The following NNT variants were observed in gnomAD, a reference collection of about 807,000 sequenced individuals.
The protein encoded by NNT is NAD(P) transhydrogenase, mitochondrial.
In NNT, 50 loss-of-function variants were observed where a neutral mutation model predicts 104.8. The ratio of observed to expected loss-of-function variants is 0.48; its 90% CI spans 0.38 to 0.60. The LOEUF (loss-of-function observed/expected upper bound fraction) is 0.60. NNT is among the 20% of genes least tolerant of loss of function. The pLI is 0.00. For missense variants in NNT, 1,131 were observed against 1,330.7 expected, an observed-to-expected ratio of 0.85 and a Z score of 2.33; for synonymous variants, 461 against 490.4, an observed-to-expected ratio of 0.94 and a Z score of 0.79.
At chr5:43,682,208 CTT>C (rs71610326) in intron 19 of NNT, among the ~76,000 whole-genome samples, 3,305 of 100,188 alleles carry the variant, frequency 0.033, 53 homozygotes, top group African/African-American at 0.12. Flanking sequence ...TAACTGGATT[CTT>C]TTTTTTTTTT....
chr5:43,660,068 T>C (rs1349610828), intron 17 of NNT, among the ~76,000 whole-genome samples: 1 of 152,218 alleles, frequency 6.6e-6, no homozygotes, highest in Non-Finnish European at 1.5e-5. Flanking sequence ...TCGTGATCCA[T>C]CATATGGATA....
At chr5:43,605,522 CAAAAAAAAAAAA>C (rs70997416) in intron 1 of NNT, among the ~76,000 whole-genome samples, 2 of 37,762 alleles carry the variant, frequency 5.3e-5, no homozygotes, top group East Asian at 2.6e-3. Context: ...GACTCCGTCT[CAAAAAAAAAAAA>C]AAAAAAAAAA....
At chr5:43,646,640 AAATAT>A (rs1249961730) in intron 10 of NNT, among the ~76,000 whole-genome samples, 4 of 152,128 alleles carry the variant, frequency 2.6e-5, no homozygotes, top group African/African-American at 9.7e-5. Flanking sequence ...AAATGCGTAT[AAATAT>A]AATTACGTTT....
chr5:43,675,251 G>C (rs183969170), intron 17 of NNT, among the ~76,000 whole-genome samples: 1 of 151,876 alleles, frequency 6.6e-6, no homozygotes, highest in Non-Finnish European at 1.5e-5. Flanking sequence ...TTTTTTCTTG[G>C]TTTCTATTTT....
At chr5:43,641,129 A>G (rs1751208605) in intron 7 of NNT, among the ~76,000 whole-genome samples, 1 of 152,078 alleles carries the variant, frequency 6.6e-6, no homozygotes, top group Admixed American at 6.6e-5. Context: ...TCATTGTGTA[A>G]TGCTGCATTT....
chr5:43,615,827 G>C, intron 3 of NNT, 21 bp from the exon 4 acceptor site: 1 of 1,556,456 alleles, frequency 6.4e-7, no homozygotes, highest in Non-Finnish European at 8.7e-7. Context: ...TTTATAATCT[G>C]TGACTTGATT....
intron 1 of NNT, among the ~76,000 whole-genome samples, chr5:43,606,924 G>T (rs1260565332): frequency 3.3e-5 from 5 of 152,092 alleles, no homozygotes; most frequent in African/African-American, 1.2e-4. Context: ...TACCAATGCT[G>T]CTTTCTGGTA....
intron 19 of NNT, among the ~76,000 whole-genome samples, chr5:43,691,070 A>AGTGTGTGTGTGTGT (rs56075202): frequency 3.6e-5 from 5 of 137,502 alleles, no homozygotes; most frequent in African/African-American, 1.1e-4. Flanking sequence ...TTTTTGAGAG[A>AGTGTGTGTGTGTGT]GTGTGTGTGT....
chr5:43,675,566 C>G lies in NNT; in HGVS notation c.2690C>G (p.Thr897Arg). 6.2e-7 allele frequency: 1 copy of G among 1,613,602 alleles called. No homozygotes were observed. The highest frequency in any genetic ancestry group is 1.1e-5 in the South Asian group (1 of 90,994). ...CTTGGAGGCTATGGCACCACTTCAA[C>G]AGCTGGTGGAAAACCCATGGAAATT... ...VILGGYGTTS[T>R]AGGKPMEISG... Residue 897 changes from threonine to arginine, a missense_variant, in exon 18 of 22, where the codon ACA (threonine) becomes AGA (arginine). Coordinates refer to ENST00000344920, the MANE Select transcript of NNT (RefSeq NM_182977.3).
chr5:43,647,697 T>C (rs1404577251), intron 10 of NNT, among the ~76,000 whole-genome samples: 1 of 152,204 alleles, frequency 6.6e-6, no homozygotes, highest in Non-Finnish European at 1.5e-5. Flanking sequence ...ATTAGTTTAT[T>C]GAATAGTTGA....
At position 43,705,790 on chromosome 5, in the gene NNT, T is replaced by TGC. The variant is rs1554057010; in HGVS notation, c.*1388_*1389dup. On this transcript the variant is annotated 3_prime_UTR_variant, in exon 22 of 22. Transcript: ENST00000344920. ...CTGTGTATGTGTGTGTGTGTGTGTG[T>TGC]GCGTTTGTGTGTTAAAGCAGAAAAG... The TGC allele has an allele frequency of 2.6e-5, 4 of 152,090 alleles. No individual in the cohort carries two copies. The highest frequency in any genetic ancestry group is 2.1e-4 in the South Asian group (1 of 4,820). 9.4% of individuals were successfully genotyped at this position (152,090 alleles called of 1,614,324 possible).
chr5:43,692,214 T>C (rs1309364156), intron 19 of NNT, among the ~76,000 whole-genome samples: 1 of 152,198 alleles, frequency 6.6e-6, no homozygotes, highest in Non-Finnish European at 1.5e-5. Context: ...CTTTCTCAGT[T>C]GAGGTTAGAG....
At chr5:43,693,234 G>A (rs1265104919) in intron 19 of NNT, among the ~76,000 whole-genome samples, 1 of 151,966 alleles carries the variant, frequency 6.6e-6, no homozygotes, top group Non-Finnish European at 1.5e-5. Flanking sequence ...TCAAATTCCT[G>A]GTGATCAGTA....
chr5:43,652,500 C>T (rs1739817563), intron 13 of NNT, among the ~76,000 whole-genome samples: 1 of 151,882 alleles, frequency 6.6e-6, no homozygotes, highest in Admixed American at 6.6e-5. Flanking sequence ...TCTATGTTTC[C>T]AACCTGCAGT....
intron 19 of NNT, among the ~76,000 whole-genome samples, chr5:43,685,891 T>A (rs949372772): frequency 3.3e-5 from 5 of 152,142 alleles, no homozygotes; most frequent in Non-Finnish European, 5.9e-5. Context: ...TAATGTGAAG[T>A]TGTGAAAAAC....
intron 17 of NNT, among the ~76,000 whole-genome samples, chr5:43,659,695 C>G (rs143360030): frequency 2.0e-5 from 3 of 152,128 alleles, no homozygotes; most frequent in Admixed American, 1.3e-4. Flanking sequence ...CCACTGTACT[C>G]CAGCCTGGGT....
At chr5:43,699,847 T>A (rs1322080213) in intron 19 of NNT, among the ~76,000 whole-genome samples, 1 of 152,230 alleles carries the variant, frequency 6.6e-6, no homozygotes, top group Non-Finnish European at 1.5e-5. Flanking sequence ...TTAACATTAT[T>A]GGAAGTTCAC....
intron 7 of NNT, among the ~76,000 whole-genome samples, chr5:43,634,806 T>C (rs1039364540): frequency 3.9e-5 from 6 of 152,352 alleles, no homozygotes; most frequent in African/African-American, 1.4e-4. Context: ...TTTCCATTGC[T>C]ATTTATCAGT....
In NNT at chr5:43,656,809, T is replaced by C; in HGVS notation, c.2450T>C (p.Val817Ala). 6.2e-7 allele frequency: 1 copy of C among 1,609,578 alleles called. No homozygotes were observed. Among genetic ancestry groups the C allele is most frequent in the South Asian group, 1.1e-5 (1 of 89,766 alleles). Residue 817 changes from valine to alanine, a missense_variant, in exon 16 of 22, where the codon GTC becomes GCC. By Grantham distance (64) the Val-to-Ala change is moderately conservative. Coordinates refer to ENST00000344920, the MANE Select transcript of NNT (RefSeq NM_182977.3). ...GGTTCAGTGTCTGCTCTCTCTGCTG[T>C]CATGGTAAGAAGTCAGAGATTGAAA... ...CLGSVSALSA[V>A]MGVTLTAAIG...
Sources: gnomAD v4.1 joint callset for allele counts (sites outside exome capture counted in the v4.1 genomes callset) on GRCh38, gnomAD v4.1.1 for gene constraint, MANE v1.5 for transcripts, NCBI Gene and HGNC (gene_info 2026-07-23, HGNC 2026-07-21) for gene names.